Variants in SFMBT1 observed in about 807,000 individuals in gnomAD.
SFMBT1 encodes Scm like with four mbt domains 1.
Under a neutral mutation model 108.7 loss-of-function variants are expected in SFMBT1, and 32 were observed. The ratio of observed to expected loss-of-function variants is 0.29; its 90% CI spans 0.22 to 0.40. The LOEUF is 0.40. Ranked by LOEUF, SFMBT1 falls within the 10% of genes least tolerant of loss-of-function variation. The pLI is 1.00. For missense variants in SFMBT1, 816 were observed against 1,059.6 expected (o/e 0.77, Z 3.19); for synonymous variants, 348 against 369.5 (o/e 0.94, Z 0.67).
intron 1 of SFMBT1, among the ~76,000 whole-genome samples, chr3:53,033,660 T>C (rs1699764706): frequency 2.6e-5 from 4 of 151,918 alleles, no homozygotes; most frequent in Admixed American, 2.6e-4. Context: ...CATCTGAAAA[T>C]GCTGAGGATA....
intron 1 of SFMBT1, among the ~76,000 whole-genome samples, chr3:52,987,387 G>A (rs1704962096): frequency 6.6e-6 from 1 of 152,092 alleles, no homozygotes; most frequent in Non-Finnish European, 1.5e-5. Context: ...CAACAAACAC[G>A]AGTAGGTATC....
chr3:53,001,925 T>TCTCTCACACACACA lies in SFMBT1; in HGVS notation c.-130-32668_-130-32667insTGTGTGTGTGAGAG, dbSNP rs1448849638. 9.1e-4 allele frequency among the ~76,000 whole-genome samples: 117 copies of TCTCTCACACACACA among 129,232 alleles called. 5 individuals are homozygous for TCTCTCACACACACA. The highest frequency in any genetic ancestry group is 7.5e-3 in the Admixed American group (91 of 12,126). 84.8% of individuals were successfully genotyped at this position (129,232 alleles called of 152,430 possible). A position where few individuals can be genotyped will look rare whatever the true frequency, so the allele number is the denominator to read the frequency against. ...GGGCAACAGAGCAAGACCCAGTCTCTCACACACACACACACACACACACAC... is the reference window on the plus strand; with the variant it reads ...GGGCAACAGAGCAAGACCCAGTCTCTCTCTCACACACACACACACACACACACACACACACACAC... On this transcript the variant is annotated intron_variant, in intron 1 of 20. Coordinates refer to ENST00000394752, the MANE Select transcript of SFMBT1 (RefSeq NM_016329.4).
At chr3:52,964,542 T>A (rs1452290090) in intron 2 of SFMBT1, among the ~76,000 whole-genome samples, 2 of 152,190 alleles carry the variant, frequency 1.3e-5, no homozygotes, top group Non-Finnish European at 2.9e-5. Flanking sequence ...TTTAAATGTG[T>A]ATTTTCTAGC....
intron 3 of SFMBT1, among the ~76,000 whole-genome samples, chr3:52,945,136 T>TA (rs367727549): frequency 0.012 from 563 of 48,526 alleles, 103 homozygotes; most frequent in African/African-American, 0.028. Flanking sequence ...ACCTTCCAAT[T>TA]AAAAAAAAAA....
At chr3:53,036,716 G>A (rs1016394461) in intron 1 of SFMBT1, among the ~76,000 whole-genome samples, 2 of 152,166 alleles carry the variant, frequency 1.3e-5, no homozygotes, top group African/African-American at 4.8e-5. Context: ...TAGAAAGAAG[G>A]GAAGGTCTTA....
chr3:53,001,752 C>A (rs1251957550), intron 1 of SFMBT1, among the ~76,000 whole-genome samples: 120 of 131,584 alleles, frequency 9.1e-4, no homozygotes, highest in African/African-American at 2.9e-3. Context: ...CTATCTCTAC[C>A]AAAAAAAAAA....
intron 1 of SFMBT1, among the ~76,000 whole-genome samples, chr3:53,041,807 G>C (rs984045561): frequency 6.7e-6 from 1 of 150,244 alleles, no homozygotes; most frequent in Admixed American, 6.6e-5. Flanking sequence ...AACTCTAATG[G>C]TTTAAAATCT....
intron 13 of SFMBT1, among the ~76,000 whole-genome samples, chr3:52,916,591 C>T (rs528834528): frequency 1.3e-5 from 2 of 151,698 alleles, no homozygotes; most frequent in East Asian, 1.9e-4. Flanking sequence ...ATGGCGTGAA[C>T]CCAGGAGGCA....
chr3:52,920,621 C>G lies in SFMBT1; in HGVS notation c.1288G>C (p.Val430Leu). ...AATATATCCATGGATTCCACACTCACAATACATTCAGGTATAGGCTTCTTA... is the reference window on the plus strand; with the variant it reads ...AATATATCCATGGATTCCACACTCAGAATACATTCAGGTATAGGCTTCTTA... ...GSKKPIPECI[V>L]SVESMDIFPL... The change falls in exon 12 of 21, where the codon GTG becomes CTG. Residue 430 changes from valine (V) to leucine (L), a missense_variant. Coordinates refer to ENST00000394752, the MANE Select transcript of SFMBT1 (RefSeq NM_016329.4). The G allele has an allele frequency of 5.6e-6, 9 of 1,613,750 alleles. No homozygotes were observed. The highest frequency in any genetic ancestry group is 6.8e-6 in the Non-Finnish European group (8 of 1,179,754).
At position 52,969,228 on chromosome 3, in the gene SFMBT1, C is replaced by A; in HGVS notation, c.-100G>T. The A allele has an allele frequency of 6.3e-7, 1 of 1,578,790 alleles. No individual in the cohort carries two copies. Among genetic ancestry groups the A allele is most frequent in the South Asian group, 1.2e-5 (1 of 85,760 alleles). ...TACTTGCAGGTTTCAAGCATCTGTT[C>A]AATGGGTATCCACGGGTCCAAATGA... On this transcript the variant is annotated 5_prime_UTR_variant, in exon 2 of 21. The change abolishes the stop of an existing upstream ORF in the 5' untranslated region. Coordinates refer to ENST00000394752, the MANE Select transcript of SFMBT1 (RefSeq NM_016329.4).
rs138872639 is a variant in SFMBT1 at position 52,978,930 on chromosome 3, T to A, written c.-130-9672A>T. On this transcript the variant is annotated intron_variant, in intron 1 of 20. Transcript: ENST00000394752. ...AATTCACAGAGACAAGTGGGTAGAT[T>A]GTGGTTGCCAAGGGCTGGTAGAGAA... 1.6e-4 allele frequency among the ~76,000 whole-genome samples: 25 copies of A among 152,154 alleles called. No individual in the cohort carries two copies. The East Asian group carries it at 3.1e-3, about 19-fold the overall frequency.
Position 52,918,543 on chromosome 3 carries a change from A to T in SFMBT1, c.1373-17T>A, listed in dbSNP as rs1400083348. The T allele has an allele frequency of 6.7e-7, 1 of 1,487,060 alleles. No individual in the cohort carries two copies. The highest frequency in any genetic ancestry group is 9.1e-7 in the Non-Finnish European group (1 of 1,101,488). 92.1% of individuals were successfully genotyped at this position (1,487,060 alleles called of 1,614,324 possible). On this transcript the variant is annotated splice_polypyrimidine_tract_variant and intron_variant, in intron 12 of 20. Transcript: ENST00000394752. ...GTTTATATACTGTAGAAAGAAAAAA[A>T]TATATAAATGCCAAGAAAAATAAAA...
At chr3:53,029,905 C>T (rs1247598481) in intron 1 of SFMBT1, among the ~76,000 whole-genome samples, 1 of 151,648 alleles carries the variant, frequency 6.6e-6, no homozygotes, top group East Asian at 1.9e-4. Context: ...ATCTTGGGGG[C>T]AGGGAGGCTG....
At chr3:52,944,953 G>A (rs1342475118) in intron 3 of SFMBT1, among the ~76,000 whole-genome samples, 3 of 151,370 alleles carry the variant, frequency 2.0e-5, no homozygotes, top group East Asian at 3.9e-4. Flanking sequence ...CCAGATGTGC[G>A]CCACCATGCC....
chr3:52,918,447 C>T (rs753564369), intron 13 of SFMBT1, 37 bp downstream of exon 13: 1 of 1,489,092 alleles, frequency 6.7e-7, no homozygotes, highest in South Asian at 1.3e-5. Context: ...TCTAGATATT[C>T]TAACTTGTAA....
rs967201549 is a variant in SFMBT1, at chr3:52,999,374, C to A, written c.-130-30116G>T. Among the ~76,000 whole-genome samples the A allele has an allele frequency of 1.2e-4, 18 of 150,578 alleles. 1 individual carries two copies. Among genetic ancestry groups the A allele is most frequent in the Non-Finnish European group, 2.2e-4 (15 of 67,096 alleles). On this transcript the variant is annotated intron_variant, in intron 1 of 20. Coordinates refer to ENST00000394752, the MANE Select transcript of SFMBT1 (RefSeq NM_016329.4). ...CTCTGACCAGGCCTGCGGGGAGGAG[C>A]CACCCACGCGCCACAGCAAGTCCTG...
intron 1 of SFMBT1, among the ~76,000 whole-genome samples, chr3:53,002,401 T>TA (rs36044342): frequency 0.61 from 65,813 of 107,138 alleles, 20,174 homozygotes; most frequent in East Asian, 0.87. Context: ...TCCGTCTCAA[T>TA]AAAAAAAAAA....
chr3:53,004,702 A>G (rs1274524100), intron 1 of SFMBT1, among the ~76,000 whole-genome samples: 1 of 150,214 alleles, frequency 6.7e-6, no homozygotes, highest in Non-Finnish European at 1.5e-5. Flanking sequence ...CTTGTGTACA[A>G]AGAGAAATGC....
In SFMBT1 at chr3:52,958,856, G is replaced by C. The variant is rs535138810; in HGVS notation, c.29-4445C>G. The stretch of plus-strand genomic sequence containing the variant: ...GTTCACGGCAGTACTATTCTCAATA[G>C]CAAAGACATGGAATCAACCCAAATG... On this transcript the variant is annotated intron_variant, in intron 2 of 20. Transcript: ENST00000394752. 2.0e-5 allele frequency among the ~76,000 whole-genome samples: 3 copies of C among 152,200 alleles called. No homozygotes were observed. The South Asian group carries it at 6.2e-4, about 32-fold the overall frequency.
Sources: gnomAD v4.1 joint callset for allele counts (sites outside exome capture counted in the v4.1 genomes callset) on GRCh38, gnomAD v4.1.1 for gene constraint, MANE v1.5 for transcripts, NCBI Gene and HGNC (gene_info 2026-07-23, HGNC 2026-07-21) for gene names.